RGL1: variants seen among roughly 807,000 people sequenced by gnomAD.
RGL1 encodes the protein ral guanine nucleotide dissociation stimulator-like 1.
A neutral mutation model predicts 95.2 loss-of-function variants in RGL1; 24 were observed. That is an observed-to-expected ratio of 0.25 (90% CI 0.18 to 0.35). The LOEUF (loss-of-function observed/expected upper bound fraction) is 0.35, where lower values mean the gene tolerates loss of function less well. RGL1 is among the 10% of genes least tolerant of loss of function. The pLI is 1.00. For missense variants in RGL1, 715 were observed against 936.3 expected, an observed-to-expected ratio of 0.76 and a Z score of 3.08; for synonymous variants, 329 against 344.9, an observed-to-expected ratio of 0.95 and a Z score of 0.51.
intron 1 of RGL1, among the ~76,000 whole-genome samples, chr1:183,653,826 C>G (rs1650946967): frequency 6.6e-6 from 1 of 152,104 alleles, no homozygotes; most frequent in Non-Finnish European, 1.5e-5. Flanking sequence ...GGTTGTAGCC[C>G]CTTCTCTGTG....
At chr1:183,854,681 G>A (rs1224716606) in intron 3 of RGL1, among the ~76,000 whole-genome samples, 1 of 152,074 alleles carries the variant, frequency 6.6e-6, no homozygotes, top group African/African-American at 2.4e-5. Flanking sequence ...ATGAGATTCA[G>A]ATTTAAGGCA....
chr1:183,858,148 CT>C (rs1329723775), intron 3 of RGL1, among the ~76,000 whole-genome samples: 1 of 151,682 alleles, frequency 6.6e-6, no homozygotes, highest in African/African-American at 2.4e-5. Flanking sequence ...CAAAACAAAA[CT>C]GACAAGAAAC....
At chr1:183,867,021 A>C (rs1290178908) in intron 4 of RGL1, among the ~76,000 whole-genome samples, 1 of 152,200 alleles carries the variant, frequency 6.6e-6, no homozygotes, top group Non-Finnish European at 1.5e-5. Context: ...AGCAGCGGAG[A>C]GACAGAACCT....
At chr1:183,753,202 G>A (rs1036305899) in intron 2 of RGL1, among the ~76,000 whole-genome samples, 2 of 151,854 alleles carry the variant, frequency 1.3e-5, no homozygotes, top group Non-Finnish European at 2.9e-5. Flanking sequence ...TTAATCTTAG[G>A]TCTGCCTTCC....
chr1:183,656,113 C>CTTTTTT (rs60220835), intron 1 of RGL1, among the ~76,000 whole-genome samples: 9,938 of 144,858 alleles, frequency 0.069, 620 homozygotes, highest in African/African-American at 0.16. Flanking sequence ...CTTTTCTTTT[C>CTTTTTT]TTTTTTTTTT....
At chr1:183,751,044 G>T (rs1464595683) in intron 2 of RGL1, among the ~76,000 whole-genome samples, 1 of 152,236 alleles carries the variant, frequency 6.6e-6, no homozygotes, top group Non-Finnish European at 1.5e-5. Flanking sequence ...GGGGGACAGG[G>T]ACCCACTTGA....
chr1:183,774,566 C>A (rs1033664434), intron 2 of RGL1, among the ~76,000 whole-genome samples: 9 of 116,986 alleles, frequency 7.7e-5, no homozygotes, highest in African/African-American at 2.8e-4. Context: ...TTTGTTATTT[C>A]TTTTTTCCTT....
At chr1:183,790,767 A>G (rs1318418612) in intron 2 of RGL1, among the ~76,000 whole-genome samples, 1 of 152,182 alleles carries the variant, frequency 6.6e-6, no homozygotes. Flanking sequence ...CCATTGCACC[A>G]TTATTTCTTT....
intron 1 of RGL1, among the ~76,000 whole-genome samples, chr1:183,741,945 T>C (rs1247075087): frequency 6.6e-6 from 1 of 152,192 alleles, no homozygotes; most frequent in Non-Finnish European, 1.5e-5. Flanking sequence ...TCCCAAAGCC[T>C]GCATTAAAAT....
rs979285257 is a variant in RGL1, at chr1:183,821,510, G to A, written c.138+15025G>A. Among the ~76,000 whole-genome samples, 7 of 152,162 alleles carry A rather than the reference G, an allele frequency of 4.6e-5. No individual in the cohort carries two copies. The South Asian group carries it at 1.2e-3, about 27-fold the overall frequency. Reference sequence around the variant, plus strand: ...AATCTGGGGTGGCCTGACTTAATCTGAAGCATTACCAGGAGGCCTGGTCTG... The same window carrying A: ...AATCTGGGGTGGCCTGACTTAATCTAAAGCATTACCAGGAGGCCTGGTCTG... On this transcript the variant is annotated intron_variant, in intron 2 of 17. Transcript: ENST00000360851.
At chr1:183,891,188 C>T (rs183114096) in intron 8 of RGL1, among the ~76,000 whole-genome samples, 1 of 152,000 alleles carries the variant, frequency 6.6e-6, no homozygotes, top group Non-Finnish European at 1.5e-5. Context: ...ATAAAACAGG[C>T]TCTTAATAAT....
At chr1:183,845,183 C>G (rs201336830) in intron 2 of RGL1, among the ~76,000 whole-genome samples, 7 of 136,086 alleles carry the variant, frequency 5.1e-5, no homozygotes, top group Non-Finnish European at 1.1e-4. Flanking sequence ...AAAACAATTA[C>G]AATTCAACTT....
At chr1:183,728,268 A>G (rs1656424230) in intron 1 of RGL1, among the ~76,000 whole-genome samples, 1 of 152,122 alleles carries the variant, frequency 6.6e-6, no homozygotes, top group Non-Finnish European at 1.5e-5. Flanking sequence ...CTTAGGTGTA[A>G]GGACTTGAAC....
chr1:183,714,105 T>A (rs1322223177), intron 1 of RGL1, among the ~76,000 whole-genome samples: 1 of 152,220 alleles, frequency 6.6e-6, no homozygotes. Flanking sequence ...CCCAAAGATT[T>A]TTCACGCTTT....
At chr1:183,655,992 C>G (rs1021463959) in intron 1 of RGL1, among the ~76,000 whole-genome samples, 6 of 152,130 alleles carry the variant, frequency 3.9e-5, no homozygotes, top group African/African-American at 1.4e-4. Flanking sequence ...AGCTTGTACA[C>G]TAGGCCCCAG....
At chr1:183,660,011 A>G (rs1651489784) in intron 1 of RGL1, among the ~76,000 whole-genome samples, 1 of 151,962 alleles carries the variant, frequency 6.6e-6, no homozygotes, top group Non-Finnish European at 1.5e-5. Flanking sequence ...AAATGCTGAG[A>G]GATTTTGTCA....
chr1:183,856,669 A>T (rs544092617), intron 3 of RGL1, among the ~76,000 whole-genome samples: 35 of 150,144 alleles, frequency 2.3e-4, no homozygotes, highest in Non-Finnish European at 3.7e-4. Flanking sequence ...GGTGTTTTTT[A>T]AAAAAAGGTA....
chr1:183,669,616 A>C (rs1652301683), intron 1 of RGL1, among the ~76,000 whole-genome samples: 1 of 152,236 alleles, frequency 6.6e-6, no homozygotes, highest in Non-Finnish European at 1.5e-5. Flanking sequence ...GGGTAAAAAG[A>C]ACTGCAGTAA....
At chr1:183,867,172 T>G (rs1665889308) in intron 4 of RGL1, among the ~76,000 whole-genome samples, 1 of 152,184 alleles carries the variant, frequency 6.6e-6, no homozygotes, top group Non-Finnish European at 1.5e-5. Context: ...TGTCTTTAGT[T>G]TATACATGGT....
Sources: allele counts gnomAD v4.1 joint callset (sites outside exome capture counted in the v4.1 genomes callset), GRCh38; gene constraint gnomAD v4.1.1; transcripts MANE v1.5; gene names NCBI Gene and HGNC (gene_info 2026-07-23, HGNC 2026-07-21).